Variants in STK39 observed in about 807,000 individuals in gnomAD.
The protein encoded by STK39 is serine/threonine kinase 39.
Under a neutral mutation model 77.8 loss-of-function variants are expected in STK39, and 20 were observed. The ratio of observed to expected loss-of-function variants is 0.26; its 90% CI spans 0.18 to 0.37. STK39 has a LOEUF of 0.37. Among genes scored for constraint, STK39 ranks in the 10% least tolerant of loss-of-function variants. STK39 has a pLI of 1.00. For missense variants in STK39, 479 were observed against 656.5 expected, an observed-to-expected ratio of 0.73 and a Z score of 2.95; for synonymous variants, 246 against 234.1, an observed-to-expected ratio of 1.05 and a Z score of -0.47.
At chr2:167,956,719 C>T (rs1448608798) in intron 17 of STK39, among the ~76,000 whole-genome samples, 58 of 72,252 alleles carry the variant, frequency 8.0e-4, no homozygotes, top group African/African-American at 6.5e-4. Context: ...CTCTCTCTCT[C>T]TCTCTCTCTC....
chr2:168,084,560 A>C (rs1263334510), intron 10 of STK39, among the ~76,000 whole-genome samples: 1 of 152,238 alleles, frequency 6.6e-6, no homozygotes, highest in Non-Finnish European at 1.5e-5. Context: ...CCTGTTGTGC[A>C]GTGACAGAGA....
At chr2:168,176,138 A>G (rs1361247990) in intron 2 of STK39, among the ~76,000 whole-genome samples, 1 of 152,220 alleles carries the variant, frequency 6.6e-6, no homozygotes, top group East Asian at 1.9e-4. Flanking sequence ...GATGCGATAA[A>G]GAAAACACAC....
At chr2:168,160,842 C>A (rs1574514497) in intron 5 of STK39, among the ~76,000 whole-genome samples, 1 of 151,650 alleles carries the variant, frequency 6.6e-6, no homozygotes, top group Non-Finnish European at 1.5e-5. Flanking sequence ...GGGATAAGGT[C>A]CACTCATGAG....
chr2:168,014,893 C>G (rs1684367260), intron 15 of STK39, among the ~76,000 whole-genome samples: 1 of 152,064 alleles, frequency 6.6e-6, no homozygotes, highest in South Asian at 2.1e-4. Context: ...AAAACAGTAC[C>G]AAAATGATTG....
chr2:168,009,934 A>G (rs904638761), intron 16 of STK39, among the ~76,000 whole-genome samples: 3 of 152,150 alleles, frequency 2.0e-5, no homozygotes, highest in African/African-American at 7.2e-5. Context: ...TAAAAATTCA[A>G]CAACAACAAC....
chr2:168,176,941 T>C (rs1688970259), intron 2 of STK39, among the ~76,000 whole-genome samples: 1 of 152,202 alleles, frequency 6.6e-6, no homozygotes, highest in Admixed American at 6.5e-5. Context: ...TACTTTTAAA[T>C]ACATAGATTC....
chr2:168,157,429 T>C (rs551521936), intron 5 of STK39, among the ~76,000 whole-genome samples: 1 of 152,344 alleles, frequency 6.6e-6, no homozygotes, highest in East Asian at 1.9e-4. Flanking sequence ...ACTGTCTTTG[T>C]GTATTGGGCC....
intron 10 of STK39, among the ~76,000 whole-genome samples, chr2:168,127,019 C>T (rs1469128982): frequency 6.6e-6 from 1 of 152,132 alleles, no homozygotes; most frequent in East Asian, 1.9e-4. Context: ...AAGCAAAGAG[C>T]AAGTAAATGG....
chr2:168,222,561 T>C (rs912929180), intron 1 of STK39, among the ~76,000 whole-genome samples: 13 of 152,192 alleles, frequency 8.5e-5, no homozygotes, highest in Non-Finnish European at 1.5e-4. Flanking sequence ...TCCCTGTATG[T>C]GAAATGTTTA....
chr2:167,980,850 C>T (rs1683398948), intron 16 of STK39, among the ~76,000 whole-genome samples: 2 of 149,770 alleles, frequency 1.3e-5, no homozygotes, highest in African/African-American at 4.9e-5. Flanking sequence ...GTAGTAATTT[C>T]CAAAACCTTT....
Position 167,960,210 on chromosome 2 carries a change from C to T in STK39, c.1563+4452G>A, listed in dbSNP as rs149452239. The stretch of plus-strand genomic sequence containing the variant: ...ATCACCAGAGATGGGGAGCTGAAGC[C>T]CCTGACAGACATCTACACAAACAAA... On this transcript the variant is annotated intron_variant, in intron 17 of 17. Transcript: ENST00000355999. Among the ~76,000 whole-genome samples the T allele has an allele frequency of 2.3e-3, 355 of 152,104 alleles. 4 individuals carry two copies. Among genetic ancestry groups the T allele is most frequent in the African/African-American group, 8.2e-3 (342 of 41,484 alleles).
chr2:168,081,305 C>T (rs1177491526), intron 10 of STK39, among the ~76,000 whole-genome samples: 1 of 152,188 alleles, frequency 6.6e-6, no homozygotes, highest in Non-Finnish European at 1.5e-5. Context: ...CCATCTCTTG[C>T]ATCAGCGTAA....
chr2:168,234,077 T>G (rs1690532596), intron 1 of STK39, among the ~76,000 whole-genome samples: 1 of 152,248 alleles, frequency 6.6e-6, no homozygotes, highest in Non-Finnish European at 1.5e-5. Flanking sequence ...AAACATTTTT[T>G]AAAAATCAGG....
At chr2:168,189,887 T>G (rs551190828) in intron 1 of STK39, among the ~76,000 whole-genome samples, 146 of 152,300 alleles carry the variant, frequency 9.6e-4, no homozygotes, top group Non-Finnish European at 1.7e-3. Context: ...ACACATAACC[T>G]TTCTGCCAGT....
At chr2:168,160,822 C>T (rs1409943428) in intron 5 of STK39, among the ~76,000 whole-genome samples, 1 of 151,466 alleles carries the variant, frequency 6.6e-6, no homozygotes, top group African/African-American at 2.4e-5. Context: ...TCAAACTGTC[C>T]TTAGCCTATG....
chr2:168,086,190 G>T (rs895635933), intron 10 of STK39, among the ~76,000 whole-genome samples: 28 of 152,186 alleles, frequency 1.8e-4, no homozygotes, highest in African/African-American at 6.8e-4. Flanking sequence ...TATACTTAGT[G>T]ATTCTTTGAA....
rs373335552 is a variant in STK39 at position 168,228,715 on chromosome 2, G to A, written c.208+18513C>T. Among the ~76,000 whole-genome samples, 9 of 152,246 alleles carry A rather than the reference G, an allele frequency of 5.9e-5. No homozygotes were observed. In the South Asian group the frequency reaches 1.7e-3, roughly 28 times the overall value. ...TGAGGCAGGAGAATCACTTGAACCAGGAGGCAGAGGTTGCAGTGAGCCGAG... is the reference window on the plus strand; with the variant it reads ...TGAGGCAGGAGAATCACTTGAACCAAGAGGCAGAGGTTGCAGTGAGCCGAG... On this transcript the variant is annotated intron_variant, in intron 1 of 17. Transcript: ENST00000355999.
At chr2:168,048,894 C>G (rs1345593417) in intron 14 of STK39, among the ~76,000 whole-genome samples, 4 of 152,190 alleles carry the variant, frequency 2.6e-5, no homozygotes, top group African/African-American at 9.6e-5. Flanking sequence ...GTAATACCCT[C>G]AACAGCGTCA....
At chr2:168,194,425 AAATT>A (rs1431625760) in intron 1 of STK39, among the ~76,000 whole-genome samples, 5 of 152,116 alleles carry the variant, frequency 3.3e-5, no homozygotes, top group African/African-American at 7.2e-5. Flanking sequence ...GTCTCAAAAT[AAATT>A]AATTAATTAA....
Sources: gnomAD v4.1 joint callset for allele counts (sites outside exome capture counted in the v4.1 genomes callset) on GRCh38, gnomAD v4.1.1 for gene constraint, MANE v1.5 for transcripts, NCBI Gene and HGNC (gene_info 2026-07-23, HGNC 2026-07-21) for gene names.